The following SNRPN variants were observed in gnomAD, a reference collection of about 807,000 sequenced individuals.
The protein encoded by SNRPN is small nuclear ribonucleoprotein polypeptide N.
In SNRPN, 7 loss-of-function variants were observed where a neutral mutation model predicts 25.2. The ratio of observed to expected loss-of-function variants is 0.28; its 90% CI spans 0.16 to 0.52. The LOEUF (loss-of-function observed/expected upper bound fraction) is 0.52. Among genes scored for constraint, SNRPN ranks in the 20% least tolerant of loss-of-function variants. The pLI is 0.96. For synonymous variants in SNRPN, 124 were observed against 110.6 expected (o/e 1.12, Z -0.76); for missense variants, 196 against 322.5 (o/e 0.61, Z 3.00).
At chr15:24,848,463 C>G (rs904367702) in intron 2 of SNRPN, 1 of 152,108 alleles carries the variant, frequency 6.6e-6, no homozygotes, top group East Asian at 1.9e-4. Flanking sequence ...GGTTTCGTAT[C>G]ATTGTCTTGT....
chr15:24,956,024 C>G (rs2062803316), intron 1 of SNRPN, among the ~76,000 whole-genome samples: 1 of 151,934 alleles, frequency 6.6e-6, no homozygotes, highest in Non-Finnish European at 1.5e-5. Context: ...GGTGGTGGTG[C>G]TTTTTTATTA....
chr15:24,968,194 A>G lies in SNRPN; in HGVS notation c.-144+112A>G. On this transcript the variant is annotated intron_variant, in intron 3 of 9. Transcript: ENST00000390687. ...AATTTTTTTCCTTAGAGCTTCATAC[A>G]ATAAACACATTGCAGAAAGTTTTAG... 5.9e-6 allele frequency: 4 copies of G among 682,014 alleles called. No individual in the cohort carries two copies. The East Asian group carries it at 1.1e-4, about 19-fold the overall frequency. The allele number at this position is 682,014 out of a possible 1,614,324, so 42.2% of individuals were successfully genotyped here.
intron 1 of SNRPN, among the ~76,000 whole-genome samples, chr15:24,865,402 A>G (rs940811140): frequency 5.3e-5 from 8 of 152,170 alleles, no homozygotes; most frequent in East Asian, 1.9e-4. Flanking sequence ...AGCCCCTTTC[A>G]GGACACAAAG....
chr15:24,920,369 C>G (rs1445549436), intron 3 of SNRPN: 2 of 152,136 alleles, frequency 1.3e-5, no homozygotes, highest in African/African-American at 2.4e-5. Context: ...TAGTATATCC[C>G]TCTGGCAAGA....
intron 1 of SNRPN, among the ~76,000 whole-genome samples, chr15:24,824,741 T>C (rs1030154915): frequency 1.1e-4 from 17 of 152,076 alleles, no homozygotes; most frequent in African/African-American, 4.1e-4. Context: ...GGCTGAACCT[T>C]TGACACTCCT....
At chr15:24,898,424 C>A (rs981708007) in intron 2 of SNRPN, among the ~76,000 whole-genome samples, 2 of 151,984 alleles carry the variant, frequency 1.3e-5, no homozygotes, top group African/African-American at 4.8e-5. Context: ...CCCGTCTCTA[C>A]TAAAAATACA....
intron 1 of SNRPN, among the ~76,000 whole-genome samples, chr15:24,858,033 A>G (rs1014381087): frequency 2.6e-5 from 4 of 152,050 alleles, no homozygotes; most frequent in African/African-American, 9.7e-5. Context: ...GTATCAGCTG[A>G]TCCATCGGGA....
Position 24,974,396 on chromosome 15 carries a change from A to G in SNRPN, c.-58A>G. 1 of 1,555,696 alleles carries G rather than the reference A, an allele frequency of 6.4e-7. No homozygotes were observed. The highest frequency in any genetic ancestry group is 8.9e-7 in the Non-Finnish European group (1 of 1,126,870). Reference sequence around the variant, plus strand: ...ATACCTTTATCTATAGCCTTCCCCTAGGTCTTCAGAAGCATCAAGTTTTAA... The same window carrying G: ...ATACCTTTATCTATAGCCTTCCCCTGGGTCTTCAGAAGCATCAAGTTTTAA... On this transcript the variant is annotated 5_prime_UTR_variant, in exon 4 of 10. Transcript: ENST00000390687.
At chr15:24,944,958 T>C (rs978328838) in intron 3 of SNRPN, among the ~76,000 whole-genome samples, 1 of 152,196 alleles carries the variant, frequency 6.6e-6, no homozygotes, top group Non-Finnish European at 1.5e-5. Context: ...GGTCCACCCA[T>C]ATTAAAGAAG....
intron 9 of SNRPN, 21 bp downstream of exon 9, chr15:24,978,339 TTGA>T: frequency 1.9e-6 from 3 of 1,614,120 alleles, no homozygotes; most frequent in Non-Finnish European, 2.5e-6. Flanking sequence ...GCATAGGGGT[TTGA>T]TGGTTCAGCC....
chr15:24,889,133 G>C (rs960978707), intron 2 of SNRPN, among the ~76,000 whole-genome samples: 1 of 151,942 alleles, frequency 6.6e-6, no homozygotes, highest in Non-Finnish European at 1.5e-5. Context: ...GGCCAGGCTG[G>C]TCTCGAACTC....
chr15:24,883,593 C>T (rs1345535603), intron 1 of SNRPN, among the ~76,000 whole-genome samples: 1 of 152,232 alleles, frequency 6.6e-6, no homozygotes, highest in Admixed American at 6.5e-5. Context: ...ATCTTACACT[C>T]TATCATTTCA....
In SNRPN at chr15:24,978,419, C is replaced by T; in HGVS notation, c.698C>T (p.Pro233Leu). The change falls in exon 10 of 10, where the codon CCA becomes CTA. Residue 233 changes from proline (P) to leucine (L), a missense_variant. Transcript: ENST00000390687. The part of the protein sequence containing the change: ...PPPGIRGPPP[P>L]GMRPPRP The stretch of plus-strand genomic sequence containing the variant: ...ATTTCCTTTCCAGGTCCACCTCCCC[C>T]AGGAATGCGTCCACCAAGACCTTAG... 1 of 1,613,906 alleles carries T rather than the reference C, an allele frequency of 6.2e-7. No individual in the cohort carries two copies. Among genetic ancestry groups the T allele is most frequent in the Non-Finnish European group, 8.5e-7 (1 of 1,179,966 alleles).
At chr15:24,951,784 A>G (rs542599235), upstream of SNRPN, among the ~76,000 whole-genome samples, 156 of 152,320 alleles carry the variant, frequency 1.0e-3, 2 homozygotes, top group African/African-American at 3.5e-3. Context: ...CTGGGATTAC[A>G]CTTATGAGTC....
chr15:24,917,348 G>A (rs758036581), intron 2 of SNRPN, among the ~76,000 whole-genome samples: 1 of 152,172 alleles, frequency 6.6e-6, no homozygotes, highest in Admixed American at 6.5e-5. Flanking sequence ...TTAAATGGAT[G>A]TATGTTTTAT....
intron 3 of SNRPN, among the ~76,000 whole-genome samples, chr15:24,937,310 T>C (rs1257355537): frequency 2.0e-5 from 3 of 152,104 alleles, no homozygotes; most frequent in African/African-American, 7.2e-5. Context: ...CTTTTTAGTA[T>C]TTAAAAAATT....
chr15:24,923,558 A>G lies in SNRPN; in HGVS notation c.-391+3434A>G, dbSNP rs539723568. Among the ~76,000 whole-genome samples the G allele has an allele frequency of 7.2e-5, 11 of 152,350 alleles. No homozygotes were observed. In the South Asian group the frequency reaches 2.3e-3, roughly 32 times the overall value. On this transcript the variant is annotated intron_variant, in intron 3 of 11. Coordinates refer to the SNRPN transcript ENST00000400097. ...TATAGCAGCATTATTTGTAATAGCC[A>G]AAACTGGAAATAAAGCAGAGTGGGT...
chr15:24,858,530 G>A (rs2053650533), intron 1 of SNRPN, among the ~76,000 whole-genome samples: 1 of 151,952 alleles, frequency 6.6e-6, no homozygotes, highest in Non-Finnish European at 1.5e-5. Flanking sequence ...TGGCACAGTG[G>A]TCACACCTGT....
At chr15:24,969,151 T>C (rs1206519758) in intron 3 of SNRPN, among the ~76,000 whole-genome samples, 1 of 152,074 alleles carries the variant, frequency 6.6e-6, no homozygotes, top group Non-Finnish European at 1.5e-5. Flanking sequence ...TATTTAGAGA[T>C]GAAGTTTCAC....
Sources: allele counts gnomAD v4.1 joint callset (sites outside exome capture counted in the v4.1 genomes callset), GRCh38; gene constraint gnomAD v4.1.1; transcripts MANE v1.5; gene names NCBI Gene and HGNC (gene_info 2026-07-23, HGNC 2026-07-21).